MGAT5B: variants seen among roughly 807,000 people sequenced by gnomAD.
MGAT5B encodes N-acetylglucosaminyl-transferase Vb.
A neutral mutation model predicts 95.1 loss-of-function variants in MGAT5B; 54 were observed. The ratio of observed to expected loss-of-function variants is 0.57; its 90% CI spans 0.46 to 0.71. The LOEUF is 0.71. Ranked by LOEUF, MGAT5B falls within the 30% of genes least tolerant of loss-of-function variation. MGAT5B has a pLI of 0.00. For missense variants in MGAT5B, 935 were observed against 1,088.6 expected, an observed-to-expected ratio of 0.86 and a Z score of 1.99; for synonymous variants, 464 against 451.0, an observed-to-expected ratio of 1.03 and a Z score of -0.36.
chr17:76,874,757 G>A (rs1967125601), intron 2 of MGAT5B, among the ~76,000 whole-genome samples: 1 of 152,094 alleles, frequency 6.6e-6, no homozygotes, highest in African/African-American at 2.4e-5. Flanking sequence ...CAGACTCAGT[G>A]CCCCAGAGTG....
At chr17:76,939,602 T>C (rs1165076394) in intron 13 of MGAT5B, among the ~76,000 whole-genome samples, 1 of 152,114 alleles carries the variant, frequency 6.6e-6, no homozygotes, top group African/African-American at 2.4e-5. Context: ...AGGTTTGTGA[T>C]ATGAAGGATC....
At chr17:76,933,080 C>T (rs1969545947) in intron 11 of MGAT5B, among the ~76,000 whole-genome samples, 2 of 152,344 alleles carry the variant, frequency 1.3e-5, no homozygotes, top group African/African-American at 4.8e-5. Flanking sequence ...CCAGCAAGGG[C>T]GTCTTCGGTG....
intron 3 of MGAT5B, among the ~76,000 whole-genome samples, chr17:76,901,911 C>T (rs1273278002): frequency 6.6e-6 from 1 of 152,280 alleles, no homozygotes; most frequent in African/African-American, 2.4e-5. Context: ...CACTGCCCTT[C>T]AGCACACATG....
Position 76,889,502 on chromosome 17 carries a change from TG to T in MGAT5B, c.329+7207del, listed in dbSNP as rs1166361410. Among the ~76,000 whole-genome samples the T allele has an allele frequency of 6.6e-6, 1 of 152,120 alleles. No individual in the cohort carries two copies. Among genetic ancestry groups the T allele is most frequent in the African/African-American group, 2.4e-5 (1 of 41,428 alleles). ...CTCGGGCCACCGTGGGTACCTTCACTGGGAGAGAGGCGTGTGGTTGGCAGGT... is the reference window on the plus strand; with the variant it reads ...CTCGGGCCACCGTGGGTACCTTCACTGGAGAGAGGCGTGTGGTTGGCAGGT... On this transcript the variant is annotated intron_variant, in intron 3 of 17. Coordinates refer to ENST00000569840, the MANE Select transcript of MGAT5B (RefSeq NM_001199172.2). This position sits in a 1 kb window ranked among gnomAD's most constrained non-coding sequence, Gnocchi z 4.4.
chr17:76,940,806 A>G lies in MGAT5B; in HGVS notation c.1806A>G (p.Ser602=). ...PHVWTVDYNN[S]EEFEAAIKAI... is the part of the protein sequence containing the mutation. ...TGTGGACAGTCGACTACAACAACTCAGAGGAGTTTGAAGCAGCCATCAAGG... is the reference window on the plus strand; with the variant it reads ...TGTGGACAGTCGACTACAACAACTCGGAGGAGTTTGAAGCAGCCATCAAGG... The change falls in exon 15 of 18, where the codon TCA becomes TCG. Residue 602 remains serine, a synonymous_variant. Transcript: ENST00000569840. This position sits in a 1 kb window ranked among gnomAD's most constrained non-coding sequence, Gnocchi z 4.3. 6.2e-7 allele frequency: 1 copy of G among 1,613,954 alleles called. No individual in the cohort carries two copies.
chr17:76,918,021 G>A lies in MGAT5B; in HGVS notation c.1026-6945G>A, dbSNP rs915698983. On this transcript the variant is annotated intron_variant, in intron 8 of 17. Transcript: ENST00000569840. The surrounding 1 kb of genome is among the most constrained non-coding windows in gnomAD (Gnocchi z 5.1). Reference sequence around the variant, plus strand: ...CTGGCAGCCAGCGGGGTGAGTGTGTGGTCTCCTCCAGCTCTCCTGGGAGCA... The same window carrying A: ...CTGGCAGCCAGCGGGGTGAGTGTGTAGTCTCCTCCAGCTCTCCTGGGAGCA... Among the ~76,000 whole-genome samples the A allele has an allele frequency of 6.6e-6, 1 of 152,174 alleles. No homozygotes were observed. The highest frequency in any genetic ancestry group is 2.4e-5 in the African/African-American group (1 of 41,432).
intron 13 of MGAT5B, among the ~76,000 whole-genome samples, chr17:76,939,029 G>GGGGGTGTGT (rs1237086611): frequency 7.3e-4 from 93 of 128,258 alleles, no homozygotes; most frequent in Middle Eastern, 7.9e-3. Context: ...GCATCTTGGG[G>GGGGGTGTGT]GTGTGTGTGT....
chr17:76,903,257 C>A, intron 4 of MGAT5B, 46 bp from the exon 5 acceptor site: 4 of 1,517,266 alleles, frequency 2.6e-6, no homozygotes, highest in Admixed American at 1.8e-5. Context: ...CCTCCCTGGG[C>A]TCCTCCTTGG....
chr17:76,879,089 C>A (rs11650952), intron 2 of MGAT5B, among the ~76,000 whole-genome samples: 26,013 of 152,158 alleles, frequency 0.17, 2,335 homozygotes, highest in East Asian at 0.27. Context: ...TCTAGGCCAG[C>A]CCTCATAGTT....
chr17:76,948,187 G>T, intron 17 of MGAT5B, 101 bp downstream of exon 17: 2 of 1,461,454 alleles, frequency 1.4e-6, no homozygotes, highest in South Asian at 1.4e-5. Flanking sequence ...AGCCCTGCCA[G>T]TGTGGGGGGA....
At chr17:76,946,006 G>T (rs956511269) in intron 15 of MGAT5B, among the ~76,000 whole-genome samples, 1 of 150,792 alleles carries the variant, frequency 6.6e-6, no homozygotes, top group Non-Finnish European at 1.5e-5. Flanking sequence ...CTCAGGGAAA[G>T]CTCCCTGGAG....
intron 3 of MGAT5B, among the ~76,000 whole-genome samples, chr17:76,888,917 G>A (rs936988093): frequency 1.3e-5 from 2 of 152,196 alleles, no homozygotes; most frequent in African/African-American, 2.4e-5. Context: ...ATCTGGGTCC[G>A]GCCTGTGGCC....
rs889264303 is a variant in MGAT5B, at chr17:76,870,309, G to C, written c.68+1212G>C. On this transcript the variant is annotated intron_variant, in intron 1 of 17. Transcript: ENST00000569840. This position sits in a 1 kb window ranked among gnomAD's most constrained non-coding sequence, Gnocchi z 5.0. ...GGGTCAGGCTGGACCTCTGCGGTCC[G>C]GGGGTCCGGGAGGCCCGGAGAGCTG... is the stretch of plus-strand genomic sequence containing the variant. Among the ~76,000 whole-genome samples, 3 of 152,136 alleles carry C rather than the reference G, an allele frequency of 2.0e-5. No homozygotes were observed. The highest frequency in any genetic ancestry group is 2.9e-5 in the Non-Finnish European group (2 of 67,984).
At chr17:76,922,491 G>A (rs1175465352) in intron 8 of MGAT5B, among the ~76,000 whole-genome samples, 1 of 152,204 alleles carries the variant, frequency 6.6e-6, no homozygotes, top group African/African-American at 2.4e-5. Context: ...GAGTGAGAAA[G>A]TCCATGCTTC....
chr17:76,904,600 C>A (rs553451630), intron 6 of MGAT5B, among the ~76,000 whole-genome samples, 178 bp downstream of exon 6: 1 of 152,360 alleles, frequency 6.6e-6, no homozygotes, highest in East Asian at 1.9e-4. Context: ...GCCTGTCTGC[C>A]TTCTTTGAGA....
rs1966894410 is a variant in MGAT5B, at chr17:76,869,013, A to C, written c.-17A>C. 1 of 1,613,394 alleles carries C rather than the reference A, an allele frequency of 6.2e-7. No homozygotes were observed. The highest frequency in any genetic ancestry group is 1.1e-5 in the South Asian group (1 of 91,084). On this transcript the variant is annotated 5_prime_UTR_variant, in exon 1 of 18. Coordinates refer to ENST00000569840, the MANE Select transcript of MGAT5B (RefSeq NM_001199172.2). The surrounding 1 kb of genome is among the most constrained non-coding windows in gnomAD (Gnocchi z 7.0). ...TCCGGCCTCGCCCGCGGCTGCTCGC[A>C]CCAACAAGTTTGAACAATGATCACC...
chr17:76,904,323 C>A lies in MGAT5B; in HGVS notation c.591C>A (p.Phe197Leu). The A allele has an allele frequency of 6.2e-7, 1 of 1,607,764 alleles. No individual in the cohort carries two copies. The highest frequency in any genetic ancestry group is 8.5e-7 in the Non-Finnish European group (1 of 1,177,428). ...FFGVDGTECS[F>L]LIYLSEVEWF... ...GGGTGGACGGCACCGAGTGCTCCTT[C>A]CTCATCTACCTCAGTGAGGTCGAGT... The change falls in exon 6 of 18, where the codon TTC becomes TTA. Residue 197 changes from phenylalanine to leucine, a missense_variant. This residue lies in a region of MGAT5B where 243 missense variants were observed against 305.5 expected (regional missense o/e 0.80). Transcript: ENST00000569840.
At chr17:76,943,506 C>G (rs532809270) in intron 15 of MGAT5B, among the ~76,000 whole-genome samples, 1 of 152,140 alleles carries the variant, frequency 6.6e-6, no homozygotes, top group Non-Finnish European at 1.5e-5. Flanking sequence ...TTAATAGGAC[C>G]CAGCTTCGCG....
chr17:76,943,107 A>G (rs8067232), intron 15 of MGAT5B, among the ~76,000 whole-genome samples: 50,738 of 151,756 alleles, frequency 0.33, 8,683 homozygotes, highest in East Asian at 0.4. Context: ...AGTCGCGGGT[A>G]TTTCTGGTGG....
Sources: allele counts gnomAD v4.1 joint callset (sites outside exome capture counted in the v4.1 genomes callset), GRCh38; gene constraint gnomAD v4.1.1; regional missense constraint gnomAD v4.1.1; non-coding constraint Gnocchi (gnomAD v3.1); transcripts MANE v1.5; gene names NCBI Gene and HGNC (gene_info 2026-07-23, HGNC 2026-07-21).